CAPZA2: variants seen among roughly 807,000 people sequenced by gnomAD.
CAPZA2 encodes the protein F-actin-capping protein subunit alpha-2.
Under a neutral mutation model 44.0 loss-of-function variants are expected in CAPZA2, and 13 were observed. That is an observed-to-expected ratio of 0.30 (90% CI 0.19 to 0.47). The LOEUF is 0.47. Among genes scored for constraint, CAPZA2 ranks in the 20% least tolerant of loss-of-function variants. CAPZA2 has a pLI of 1.00. For synonymous variants in CAPZA2, 94 were observed against 108.2 expected, an observed-to-expected ratio of 0.87 and a Z score of 0.81; for missense variants, 244 against 338.6, an observed-to-expected ratio of 0.72 and a Z score of 2.19.
chr7:116,914,428 TACATAC>T (rs1432133466), intron 8 of CAPZA2, among the ~76,000 whole-genome samples: 1 of 114,280 alleles, frequency 8.8e-6, no homozygotes, highest in Non-Finnish European at 1.8e-5. Flanking sequence ...TACATATACA[TACATAC>T]ACACACACAC....
chr7:116,899,302 T>G (rs1419755596), intron 4 of CAPZA2, among the ~76,000 whole-genome samples: 1 of 152,020 alleles, frequency 6.6e-6, no homozygotes, highest in Non-Finnish European at 1.5e-5. Flanking sequence ...ATTTTTTTTT[T>G]ATTTAGAGTT....
At chr7:116,866,637 G>T (rs1796487931) in intron 1 of CAPZA2, among the ~76,000 whole-genome samples, 1 of 152,216 alleles carries the variant, frequency 6.6e-6, no homozygotes, top group Non-Finnish European at 1.5e-5. Flanking sequence ...CCTCTCTCTG[G>T]ATAAGAGATT....
At chr7:116,876,027 GGATCACGA>G (rs1296370438) in intron 1 of CAPZA2, 3 of 152,026 alleles carry the variant, frequency 2.0e-5, no homozygotes, top group African/African-American at 7.2e-5. Context: ...CGAGGCGGGC[GGATCACGA>G]GATCAGGAGA....
intron 1 of CAPZA2, chr7:116,876,267 A>AG (rs398005979): frequency 5.3e-5 from 8 of 152,092 alleles, no homozygotes; most frequent in African/African-American, 1.9e-4. Context: ...AAAAAAAAAA[A>AG]GTTTAGAGCA....
chr7:116,907,680 T>C (rs1791535333), intron 6 of CAPZA2, among the ~76,000 whole-genome samples: 1 of 152,188 alleles, frequency 6.6e-6, no homozygotes, highest in Non-Finnish European at 1.5e-5. Flanking sequence ...AGAGTCTTGC[T>C]GTGTTGCCCA....
chr7:116,877,184 C>T (rs1057229461), intron 1 of CAPZA2, among the ~76,000 whole-genome samples: 3 of 152,110 alleles, frequency 2.0e-5, no homozygotes, highest in East Asian at 1.9e-4. Context: ...GTCTTTAAAC[C>T]GCAAGTCTCA....
chr7:116,903,312 T>C (rs1283222252), intron 4 of CAPZA2, among the ~76,000 whole-genome samples: 1 of 149,988 alleles, frequency 6.7e-6, no homozygotes, highest in Non-Finnish European at 1.5e-5. Flanking sequence ...TATAAAATAA[T>C]GACCAGTCGC....
intron 1 of CAPZA2, among the ~76,000 whole-genome samples, chr7:116,870,183 T>C (rs965680418): frequency 2.6e-5 from 4 of 152,196 alleles, no homozygotes; most frequent in African/African-American, 9.6e-5. Flanking sequence ...GGAAGGTAGA[T>C]ATAATGCAAA....
At chr7:116,868,534 A>C (rs1796510163) in intron 1 of CAPZA2, among the ~76,000 whole-genome samples, 1 of 152,124 alleles carries the variant, frequency 6.6e-6, no homozygotes, top group African/African-American at 2.4e-5. Flanking sequence ...GGAGTTTGAG[A>C]CCAGCCTGGC....
Position 116,921,262 on chromosome 7 carries a change from GTCCCAGC to G in CAPZA2, c.*3397_*3403del, listed in dbSNP as rs1562965861. On this transcript the variant is annotated 3_prime_UTR_variant, in exon 10 of 10. Coordinates refer to ENST00000361183, the MANE Select transcript of CAPZA2 (RefSeq NM_006136.3). ...AGCTGGGCGTGGTGGTGTGCCTGTA[GTCCCAGC>G]TACTAGGGAGGCTGAGGCAGGAGAA... 1 of 152,396 alleles carries G rather than the reference GTCCCAGC, an allele frequency of 6.6e-6. No homozygotes were observed. The highest frequency in any genetic ancestry group is 1.5e-5 in the Non-Finnish European group (1 of 68,420). 9.4% of individuals were successfully genotyped at this position (152,396 alleles called of 1,614,324 possible).
chr7:116,880,101 G>GC (rs1796672319), intron 1 of CAPZA2: 1 of 470,068 alleles, frequency 2.1e-6, no homozygotes, highest in Non-Finnish European at 4.4e-6. Context: ...GATTTTGAAA[G>GC]CAGAGGGCCT....
chr7:116,870,215 G>T (rs1796534632), intron 1 of CAPZA2, among the ~76,000 whole-genome samples: 1 of 152,154 alleles, frequency 6.6e-6, no homozygotes, highest in African/African-American at 2.4e-5. Context: ...AGAGGAATTG[G>T]ACATATGTAA....
intron 4 of CAPZA2, among the ~76,000 whole-genome samples, chr7:116,900,640 T>G (rs909774529): frequency 1.3e-5 from 2 of 151,796 alleles, no homozygotes; most frequent in Admixed American, 1.3e-4. Flanking sequence ...AGTGACGGTC[T>G]TCTCAAGCAA....
At chr7:116,900,897 G>C (rs1796986024) in intron 4 of CAPZA2, among the ~76,000 whole-genome samples, 2 of 151,978 alleles carry the variant, frequency 1.3e-5, no homozygotes, top group Admixed American at 1.3e-4. Flanking sequence ...GGCCAAACAA[G>C]CATATGAGAA....
intron 4 of CAPZA2, among the ~76,000 whole-genome samples, chr7:116,903,676 A>G (rs1299649387): frequency 6.6e-6 from 1 of 152,194 alleles, no homozygotes; most frequent in East Asian, 1.9e-4. Flanking sequence ...TCAGTTGTCA[A>G]TGTAGTTTTT....
chr7:116,920,269 T>G lies in CAPZA2; in HGVS notation c.*2402T>G, dbSNP rs1791750812. ...CAAAATAATAATAATAATAAAAGAA[T>G]GGCATTTATTAAAGTGAAAGAAGAA... is the stretch of plus-strand genomic sequence containing the variant. On this transcript the variant is annotated 3_prime_UTR_variant, in exon 10 of 10. Transcript: ENST00000361183. The G allele has an allele frequency of 6.6e-6, 1 of 152,014 alleles. No homozygotes were observed. Among genetic ancestry groups the G allele is most frequent in the South Asian group, 2.1e-4 (1 of 4,820 alleles). The allele number at this position is 152,014 out of a possible 1,614,324, so 9.4% of individuals were successfully genotyped here.
chr7:116,915,931 A>C (rs1380755471), intron 8 of CAPZA2, 129 bp from the exon 9 acceptor site: 2 of 622,650 alleles, frequency 3.2e-6, no homozygotes, highest in Non-Finnish European at 5.1e-6. Context: ...TGATCTTACA[A>C]TATTTATTCT....
intron 1 of CAPZA2, among the ~76,000 whole-genome samples, chr7:116,868,461 G>C (rs867187137): frequency 6.6e-6 from 1 of 152,054 alleles, no homozygotes; most frequent in Non-Finnish European, 1.5e-5. Flanking sequence ...GGCTGGGCGC[G>C]GTGACTCACA....
Position 116,904,293 on chromosome 7 carries a change from A to G in CAPZA2, c.336A>G (p.Glu112=). ...AGGCAACTGATCCAAGACCCTGTGA[A>G]GTAGAAAATGCAGTTGAATCATGGA... The part of the protein sequence containing the change: ...RKEATDPRPC[E]VENAVESWRT... The change falls in exon 5 of 10, where the codon GAA becomes GAG. Residue 112 remains glutamate, a synonymous_variant. Coordinates refer to ENST00000361183, the MANE Select transcript of CAPZA2 (RefSeq NM_006136.3). 1.9e-6 allele frequency: 3 copies of G among 1,613,234 alleles called. No homozygotes were observed. Among genetic ancestry groups the G allele is most frequent in the Non-Finnish European group, 2.5e-6 (3 of 1,179,212 alleles).
Sources: allele counts gnomAD v4.1 joint callset (sites outside exome capture counted in the v4.1 genomes callset), GRCh38; gene constraint gnomAD v4.1.1; transcripts MANE v1.5; gene names NCBI Gene and HGNC (gene_info 2026-07-23, HGNC 2026-07-21).